Variants in MXD1 observed in about 807,000 individuals in gnomAD.
MXD1 encodes MAX dimerization protein 1, also known as MAX-binding protein.
Under a neutral mutation model 25.7 loss-of-function variants are expected in MXD1, and 9 were observed. The ratio of observed to expected loss-of-function variants is 0.35; its 90% CI spans 0.21 to 0.61. MXD1 has a LOEUF of 0.61. Among genes scored for constraint, MXD1 ranks in the 20% least tolerant of loss-of-function variants. The pLI is 0.75. For synonymous variants in MXD1, 99 were observed against 113.9 expected, an observed-to-expected ratio of 0.87 and a Z score of 0.83; for missense variants, 227 against 292.4, an observed-to-expected ratio of 0.78 and a Z score of 1.63.
Position 69,938,576 on chromosome 2 carries a change from A to G in MXD1, c.*292A>G, listed in dbSNP as rs982619984. 1.0e-4 allele frequency: 31 copies of G among 306,262 alleles called. No homozygotes were observed. The highest frequency in any genetic ancestry group is 6.8e-4 in the African/African-American group (31 of 45,752). The allele number at this position is 306,262 out of a possible 1,614,324, so 19.0% of individuals were successfully genotyped here. On this transcript the variant is annotated 3_prime_UTR_variant, in exon 6 of 6. Transcript: ENST00000264444. ...GAATAAGCAATGTCCACATCTCAGCAATCCCCCTCTTTGCTCTCCTCGTGT... is the reference window on the plus strand; with the variant it reads ...GAATAAGCAATGTCCACATCTCAGCGATCCCCCTCTTTGCTCTCCTCGTGT...
intron 3 of MXD1, among the ~76,000 whole-genome samples, chr2:69,931,418 G>A (rs547401705): frequency 1.6e-3 from 243 of 152,116 alleles, no homozygotes; most frequent in Admixed American, 2.8e-3. Flanking sequence ...AAATAAGTGA[G>A]AATATGCAAC....
In MXD1 at chr2:69,938,287, G is replaced by C; in HGVS notation, c.*3G>C. 2 of 1,613,820 alleles carry C rather than the reference G, an allele frequency of 1.2e-6. No homozygotes were observed. Among genetic ancestry groups the C allele is most frequent in the Middle Eastern group, 1.6e-4 (1 of 6,062 alleles). ...ACAAGGCGTGTCTTGGTCTCTAAGA[G>C]AGTGGGCACTGCGGCTGTCTCCTTG... On this transcript the variant is annotated 3_prime_UTR_variant, in exon 6 of 6. Coordinates refer to ENST00000264444, the MANE Select transcript of MXD1 (RefSeq NM_002357.4).
chr2:69,935,905 G>C (rs1365283612), intron 4 of MXD1, among the ~76,000 whole-genome samples: 1 of 152,076 alleles, frequency 6.6e-6, no homozygotes, highest in Non-Finnish European at 1.5e-5. Flanking sequence ...ATCAACACGT[G>C]ACCTTGTTTA....
At chr2:69,933,102 A>G (rs1450094094) in intron 3 of MXD1, among the ~76,000 whole-genome samples, 1 of 149,940 alleles carries the variant, frequency 6.7e-6, no homozygotes, top group African/African-American at 2.5e-5. Flanking sequence ...AGGAGGCTGA[A>G]GAAGGAGAAT....
chr2:69,919,323 C>T (rs1677017290), intron 2 of MXD1, among the ~76,000 whole-genome samples: 1 of 152,196 alleles, frequency 6.6e-6, no homozygotes, highest in South Asian at 2.1e-4. Flanking sequence ...CAACTGTTGG[C>T]ATATACTTTC....
intron 2 of MXD1, 81 bp downstream of exon 2, chr2:69,916,301 G>A: frequency 3.6e-6 from 3 of 827,190 alleles, no homozygotes; most frequent in Non-Finnish European, 6.0e-6. Flanking sequence ...TTTCTGTTGT[G>A]ATTATAACCC....
At chr2:69,916,390 G>T in intron 2 of MXD1, 170 bp downstream of exon 2, 1 of 477,262 alleles carries the variant, frequency 2.1e-6, no homozygotes, top group Non-Finnish European at 3.7e-6. Context: ...GTTTCTGTTT[G>T]GGTTGAGGGA....
At chr2:69,917,242 T>C (rs1676978777) in intron 2 of MXD1, among the ~76,000 whole-genome samples, 1 of 152,190 alleles carries the variant, frequency 6.6e-6, no homozygotes. Context: ...TTTACCTCTT[T>C]AGTATCGTTA....
In MXD1 at chr2:69,937,342, G is replaced by A. The variant is rs754748561; in HGVS notation, c.426G>A (p.Arg142=). 1 of 1,613,958 alleles carries A rather than the reference G, an allele frequency of 6.2e-7. No individual in the cohort carries two copies. Among genetic ancestry groups the A allele is most frequent in the Non-Finnish European group, 8.5e-7 (1 of 1,180,024 alleles). The change falls in exon 5 of 6, where the codon CGG becomes CGA. Residue 142 remains arginine (R), a synonymous_variant. Transcript: ENST00000264444. Reference sequence around the variant, plus strand: ...AGAAGCTGGGCATTGAGAGGATCCGGATGGACAGCATCGGCTCCACCGTCT... The same window carrying A: ...AGAAGCTGGGCATTGAGAGGATCCGAATGGACAGCATCGGCTCCACCGTCT... ...QLEKLGIERI[R]MDSIGSTVSS... is the part of the protein sequence containing the mutation.
In MXD1 at chr2:69,915,161, CTCCCTCTCTTG is replaced by C; in HGVS notation, c.-167_-157del. On this transcript the variant is annotated 5_prime_UTR_variant, in exon 1 of 6. Coordinates refer to ENST00000264444, the MANE Select transcript of MXD1 (RefSeq NM_002357.4). This position sits in a 1 kb window ranked among gnomAD's most constrained non-coding sequence, Gnocchi z 5.8. ...CGGCGGTGCCCAGCTCACTGGCCCC[CTCCCTCTCTTG>C]TCGAGCGTGGTTGCCAGAGAGGCTC... The C allele has an allele frequency of 2.1e-6, 1 of 482,028 alleles. No homozygotes were observed. Among genetic ancestry groups the C allele is most frequent in the Non-Finnish European group, 3.4e-6 (1 of 296,842 alleles). The allele number at this position is 482,028 out of a possible 1,614,324, so 29.9% of individuals were successfully genotyped here.
intron 1 of MXD1, 36 bp from the exon 2 acceptor site, chr2:69,916,084 TG>T: frequency 9.0e-7 from 1 of 1,109,896 alleles, no homozygotes; most frequent in Non-Finnish European, 1.4e-6. Flanking sequence ...TTAAATATTC[TG>T]GGCCCATTCA....
At position 69,941,056 on chromosome 2, in the gene MXD1, C is replaced by A. The variant is rs1192988137; in HGVS notation, c.*2772C>A. The A allele has an allele frequency of 1.3e-5, 2 of 152,258 alleles. No homozygotes were observed. Among genetic ancestry groups the A allele is most frequent in the African/African-American group, 4.8e-5 (2 of 41,418 alleles). 9.4% of individuals were successfully genotyped at this position (152,258 alleles called of 1,614,324 possible). A position where few individuals can be genotyped will look rare whatever the true frequency, so the allele number is the denominator to read the frequency against. On this transcript the variant is annotated 3_prime_UTR_variant, in exon 6 of 6. Coordinates refer to ENST00000264444, the MANE Select transcript of MXD1 (RefSeq NM_002357.4). ...GGGAGGGGATGGGCAGAGATATAAA[C>A]CCCAGCCTTTAAGACTTTGACAATT...
chr2:69,938,266 G>C lies in MXD1; in HGVS notation c.648G>C (p.Lys216Asn). 6.2e-7 allele frequency: 1 copy of C among 1,614,176 alleles called. No homozygotes were observed. Among genetic ancestry groups the C allele is most frequent in the Non-Finnish European group, 8.5e-7 (1 of 1,180,016 alleles). Reference sequence around the variant, plus strand: ...GAATAAAGCTGCAGGACAGTCACAAGGCGTGTCTTGGTCTCTAAGAGAGTG... The same window carrying C: ...GAATAAAGCTGCAGGACAGTCACAACGCGTGTCTTGGTCTCTAAGAGAGTG... ...IKRIKLQDSHKACLGL is the reference protein window; with the variant it reads ...IKRIKLQDSHNACLGL The change falls in exon 6 of 6, where the codon AAG becomes AAC. Residue 216 changes from lysine (K) to asparagine (N), a missense_variant. By Grantham distance (94) the Lys-to-Asn change is moderately conservative (BLOSUM62 0). Transcript: ENST00000264444.
intron 5 of MXD1, 145 bp from the exon 6 acceptor site, chr2:69,937,952 G>A (rs1677495223): frequency 1.4e-6 from 1 of 704,758 alleles, no homozygotes; most frequent in East Asian, 2.8e-5. Flanking sequence ...TCACTGTGTT[G>A]GCCCAGCTGG....
At chr2:69,929,144 C>T (rs1486782845) in intron 3 of MXD1, among the ~76,000 whole-genome samples, 2 of 152,186 alleles carry the variant, frequency 1.3e-5, no homozygotes, top group Admixed American at 6.5e-5. Flanking sequence ...CCACCCTCCT[C>T]GGCCTCCGAA....
intron 3 of MXD1, among the ~76,000 whole-genome samples, chr2:69,931,472 C>A (rs1248413826): frequency 6.6e-6 from 1 of 151,996 alleles, no homozygotes; most frequent in African/African-American, 2.4e-5. Context: ...ACCTAATGAC[C>A]TCCAGTTCCA....
In MXD1 at chr2:69,941,416, C is replaced by T. The variant is rs1184816521; in HGVS notation, c.*3132C>T. The T allele has an allele frequency of 6.6e-6, 1 of 152,198 alleles. No individual in the cohort carries two copies. The highest frequency in any genetic ancestry group is 1.9e-4 in the East Asian group (1 of 5,196). The allele number at this position is 152,198 out of a possible 1,614,324, so 9.4% of individuals were successfully genotyped here. A position where few individuals can be genotyped will look rare whatever the true frequency, so the allele number is the denominator to read the frequency against. ...GCAACTGCTGGCTCCTTTCTGTAGT[C>T]ACACACCTAATGCTAGTTTAGTGAT... On this transcript the variant is annotated 3_prime_UTR_variant, in exon 6 of 6. Coordinates refer to ENST00000264444, the MANE Select transcript of MXD1 (RefSeq NM_002357.4).
At chr2:69,921,352 G>A (rs535400178) in intron 2 of MXD1, among the ~76,000 whole-genome samples, 2 of 152,148 alleles carry the variant, frequency 1.3e-5, no homozygotes, top group African/African-American at 2.4e-5. Flanking sequence ...CTGCAGGGGT[G>A]GGGTAGGGGT....
chr2:69,919,876 G>T (rs1023840863), intron 2 of MXD1, among the ~76,000 whole-genome samples: 1 of 151,148 alleles, frequency 6.6e-6, no homozygotes, highest in African/African-American at 2.4e-5. Flanking sequence ...GGCTCTTGCT[G>T]TGTTGCCCAC....
Sources: allele counts gnomAD v4.1 joint callset (sites outside exome capture counted in the v4.1 genomes callset), GRCh38; gene constraint gnomAD v4.1.1; non-coding constraint Gnocchi (gnomAD v3.1); transcripts MANE v1.5; gene names NCBI Gene and HGNC (gene_info 2026-07-23, HGNC 2026-07-21).